ARMC9: variants seen among roughly 807,000 people sequenced by gnomAD.
ARMC9 encodes armadillo repeat containing 9.
A neutral mutation model predicts 107.0 loss-of-function variants in ARMC9; 94 were observed. The observed-to-expected ratio is 0.88, with a 90% CI of 0.74 to 1.04. The LOEUF is 1.04. Among genes scored for constraint, ARMC9 ranks in the 50% least tolerant of loss-of-function variants. The probability of loss-of-function intolerance (pLI) is 0.00; values close to 1 mark genes in which losing one functional copy is unlikely to be tolerated. For missense variants in ARMC9, 942 were observed against 1,030.1 expected (o/e 0.91, Z 1.17); for synonymous variants, 380 against 396.9 (o/e 0.96, Z 0.51).
Position 231,206,294 on chromosome 2 carries a change from G to T in ARMC9, c.51+5G>T, listed in dbSNP as rs1114167447. The T allele has an allele frequency of 3.1e-6, 5 of 1,612,206 alleles. No homozygotes were observed. Among genetic ancestry groups the T allele is most frequent in the Middle Eastern group, 1.7e-4 (1 of 6,056 alleles). On this transcript the variant is annotated splice_donor_5th_base_variant and intron_variant, in intron 2 of 24. Transcript: ENST00000611582. Reference sequence around the variant, plus strand: ...TTACTTGGACTAGTGAAAGAGGTAGGTATATTATACAAAGCAGAGGTCACA... The same window carrying T: ...TTACTTGGACTAGTGAAAGAGGTAGTTATATTATACAAAGCAGAGGTCACA...
In ARMC9 at chr2:231,272,816, C is replaced by G. The variant is rs12992791; in HGVS notation, c.1211-139C>G. On this transcript the variant is annotated intron_variant, in intron 13 of 24. Coordinates refer to ENST00000611582, the MANE Select transcript of ARMC9 (RefSeq NM_001352754.2). ...CAGGCGTGAGCCACCGCGCCCTGCC[C>G]AGTAAGTTTTTTAGAACATAAAATT... 8,715 of 1,146,678 alleles carry G rather than the reference C, an allele frequency of 7.6e-3. 56 individuals carry two copies. Among genetic ancestry groups the G allele is most frequent in the Non-Finnish European group, 9.2e-3 (7,583 of 823,410 alleles). The allele number at this position is 1,146,678 out of a possible 1,614,324, so 71.0% of individuals were successfully genotyped here. A position where few individuals can be genotyped will look rare whatever the true frequency, so the allele number is the denominator to read the frequency against.
At chr2:231,287,894 C>A (rs2040715911) in intron 17 of ARMC9, among the ~76,000 whole-genome samples, 2 of 152,092 alleles carry the variant, frequency 1.3e-5, no homozygotes, top group South Asian at 4.1e-4. Flanking sequence ...AGACAGGAAA[C>A]AATGACAAGA....
intron 6 of ARMC9, among the ~76,000 whole-genome samples, chr2:231,226,375 A>G (rs543229162): frequency 2.5e-4 from 38 of 152,328 alleles, no homozygotes; most frequent in African/African-American, 8.9e-4. Flanking sequence ...TTTCACCTCA[A>G]TATCAATTTC....
In ARMC9 at chr2:231,360,157, A is replaced by T. The variant is rs183273031; in HGVS notation, c.2132-597A>T. 4.7e-4 allele frequency among the ~76,000 whole-genome samples: 72 copies of T among 151,762 alleles called. No individual in the cohort carries two copies. Among genetic ancestry groups the T allele is most frequent in the African/African-American group, 1.7e-3 (69 of 41,330 alleles). ...TCCGTATGCTATGATGCTATCTGGG[A>T]TTCTCCGTCTGCTTCCCCGTGAAGG... On this transcript the variant is annotated intron_variant, in intron 22 of 24. Coordinates refer to ENST00000611582, the MANE Select transcript of ARMC9 (RefSeq NM_001352754.2). The surrounding 1 kb of genome is among the most constrained non-coding windows in gnomAD (Gnocchi z 4.7).
intron 23 of ARMC9, among the ~76,000 whole-genome samples, chr2:231,366,378 T>C (rs2045817935): frequency 6.6e-6 from 1 of 152,116 alleles, no homozygotes; most frequent in African/African-American, 2.4e-5. Context: ...CTGGGCACCA[T>C]GGCCCAGCCA....
chr2:231,291,621 G>A (rs1054852507), intron 18 of ARMC9, among the ~76,000 whole-genome samples, 178 bp downstream of exon 18: 6 of 152,124 alleles, frequency 3.9e-5, no homozygotes, highest in African/African-American at 1.4e-4. Context: ...TTCGAGACCA[G>A]CCTGGCCAAT....
chr2:231,239,829 C>T (rs917141760), intron 8 of ARMC9, 114 bp from the exon 9 acceptor site: 1 of 832,402 alleles, frequency 1.2e-6, no homozygotes, highest in Non-Finnish European at 2.0e-6. Flanking sequence ...CATACCTCAT[C>T]ATCATGCCTT....
At chr2:231,208,089 T>A (rs1471131844) in intron 2 of ARMC9, 38 bp from the exon 3 acceptor site, 4 of 944,414 alleles carry the variant, frequency 4.2e-6, no homozygotes, top group Non-Finnish European at 4.9e-6. Context: ...GATTATTTGT[T>A]TGTTTTGCTG....
intron 23 of ARMC9, among the ~76,000 whole-genome samples, chr2:231,369,638 C>A (rs1372009798): frequency 6.6e-6 from 1 of 151,512 alleles, no homozygotes; most frequent in Non-Finnish European, 1.5e-5. Flanking sequence ...CTCTTGTCGC[C>A]CAGGCTGGAG....
chr2:231,246,894 G>T (rs1461093691), intron 9 of ARMC9, among the ~76,000 whole-genome samples: 2 of 151,932 alleles, frequency 1.3e-5, no homozygotes, highest in Admixed American at 1.3e-4. Context: ...CTGGGCTCAG[G>T]TGCTCCTCCC....
chr2:231,353,888 C>T (rs1048070691), intron 21 of ARMC9, among the ~76,000 whole-genome samples: 6 of 152,004 alleles, frequency 3.9e-5, no homozygotes, highest in East Asian at 1.9e-4. Context: ...ACACTACTGT[C>T]GCACAGGTCT....
chr2:231,216,008 G>A (rs1397899052), intron 4 of ARMC9, among the ~76,000 whole-genome samples: 3 of 152,206 alleles, frequency 2.0e-5, no homozygotes, highest in Non-Finnish European at 1.5e-5. Context: ...TAGAGCCAGT[G>A]TGGGAGCAAA....
Position 231,232,651 on chromosome 2 carries a change from A to G in ARMC9, c.623-2573A>G, listed in dbSNP as rs185859902. Among the ~76,000 whole-genome samples, 276 of 151,510 alleles carry G rather than the reference A, an allele frequency of 1.8e-3. 1 individual carries two copies. Among genetic ancestry groups the G allele is most frequent in the African/African-American group, 6.4e-3 (266 of 41,284 alleles). On this transcript the variant is annotated intron_variant, in intron 7 of 24. Transcript: ENST00000611582. ...TTTTTAGTGGAGATGGAGTTTCACCATGTTGGCCAGACTGGTCTTGAACTG... is the reference window on the plus strand; with the variant it reads ...TTTTTAGTGGAGATGGAGTTTCACCGTGTTGGCCAGACTGGTCTTGAACTG...
chr2:231,222,152 TAA>T (rs1305710831), intron 5 of ARMC9, among the ~76,000 whole-genome samples: 3 of 152,266 alleles, frequency 2.0e-5, no homozygotes, highest in Non-Finnish European at 4.4e-5. Context: ...TTTTCTTATT[TAA>T]GTCATTAATT....
chr2:231,217,481 A>C (rs1184900636), intron 5 of ARMC9, among the ~76,000 whole-genome samples: 2 of 151,808 alleles, frequency 1.3e-5, no homozygotes, highest in Non-Finnish European at 2.9e-5. Context: ...GAGGCAGAAC[A>C]GTTGCTCAAA....
intron 9 of ARMC9, among the ~76,000 whole-genome samples, chr2:231,246,802 G>A (rs578060379): frequency 3.9e-5 from 6 of 152,148 alleles, no homozygotes; most frequent in African/African-American, 1.2e-4. Flanking sequence ...ACATTCCCAC[G>A]AACACATACA....
rs78773922 is a variant in ARMC9, at chr2:231,358,828, G to A, written c.2132-1926G>A. ...ACAGGAAATAGTTCCCAAGGGAAAA[G>A]GCCAATAATATGGCTTAGCATTTTG... On this transcript the variant is annotated intron_variant, in intron 22 of 24. Transcript: ENST00000611582. The surrounding 1 kb of genome is among the most constrained non-coding windows in gnomAD (Gnocchi z 4.5). Among the ~76,000 whole-genome samples the A allele has an allele frequency of 0.019, 2,867 of 152,300 alleles. 95 individuals carry two copies. The highest frequency in any genetic ancestry group is 0.066 in the African/African-American group (2,722 of 41,554).
chr2:231,276,876 T>C lies in ARMC9; in HGVS notation c.1474+101T>C, dbSNP rs894981573. ...CTGATATGGTTTGCTTTTAGTCTCA[T>C]AGAAAACTAAAAACAGAAAAAGGAG... On this transcript the variant is annotated intron_variant, in intron 15 of 24. Transcript: ENST00000611582. The C allele has an allele frequency of 9.6e-6, 14 of 1,456,770 alleles. No individual in the cohort carries two copies. In the African/African-American group the frequency reaches 1.6e-4, roughly 16 times the overall value. 90.2% of individuals were successfully genotyped at this position (1,456,770 alleles called of 1,614,324 possible).
At chr2:231,268,928 A>T (rs750861221) in intron 12 of ARMC9, among the ~76,000 whole-genome samples, 4 of 152,066 alleles carry the variant, frequency 2.6e-5, no homozygotes, top group Admixed American at 2.0e-4. Context: ...TTAACCAGGC[A>T]TGTTGGCGTG....
Sources: allele counts gnomAD v4.1 joint callset (sites outside exome capture counted in the v4.1 genomes callset), GRCh38; gene constraint gnomAD v4.1.1; non-coding constraint Gnocchi (gnomAD v3.1); transcripts MANE v1.5; gene names NCBI Gene and HGNC (gene_info 2026-07-23, HGNC 2026-07-21).